TAOK3: variants seen among roughly 807,000 people sequenced by gnomAD.
TAOK3 encodes TAO kinase 3.
In TAOK3, 40 loss-of-function variants were observed where a neutral mutation model predicts 120.4. The ratio of observed to expected loss-of-function variants is 0.33; its 90% CI spans 0.26 to 0.43. TAOK3 has a LOEUF of 0.43. TAOK3 is among the 20% of genes least tolerant of loss of function. The pLI is 1.00. For missense variants in TAOK3, 821 were observed against 1,112.1 expected (o/e 0.74, Z 3.72); for synonymous variants, 355 against 387.5 (o/e 0.92, Z 0.99).
At chr12:118,269,731 T>A (rs1424254062) in intron 1 of TAOK3, among the ~76,000 whole-genome samples, 1 of 152,208 alleles carries the variant, frequency 6.6e-6, no homozygotes, top group Non-Finnish European at 1.5e-5. Flanking sequence ...TGCCAAGCTC[T>A]ATATATGTTC....
At chr12:118,282,045 G>A (rs1326895911) in intron 1 of TAOK3, among the ~76,000 whole-genome samples, 1 of 152,184 alleles carries the variant, frequency 6.6e-6, no homozygotes, top group Admixed American at 6.5e-5. Flanking sequence ...TTAGAGTTTA[G>A]TAAAAACAAA....
chr12:118,286,986 A>G (rs2042289293), intron 1 of TAOK3, among the ~76,000 whole-genome samples: 1 of 152,222 alleles, frequency 6.6e-6, no homozygotes, highest in Non-Finnish European at 1.5e-5. Context: ...CGAATATAGT[A>G]TGTTCTCACT....
intron 3 of TAOK3, chr12:118,247,093 G>C (rs867885932): frequency 1.2e-5 from 6 of 512,852 alleles, no homozygotes; most frequent in African/African-American, 3.9e-5. Context: ...TTTGATGATG[G>C]GACAGTTCTA....
Position 118,189,749 on chromosome 12 carries a change from G to C in TAOK3, c.1329+58C>G, listed in dbSNP as rs538372197. On this transcript the variant is annotated intron_variant, in intron 14 of 20. Coordinates refer to ENST00000392533, the MANE Select transcript of TAOK3 (RefSeq NM_016281.4). The stretch of plus-strand genomic sequence containing the variant: ...GAGACAGGCTCAGGGAGGGCGAGAG[G>C]CTGCCAGATGGGGAGGAGGGGAAGG... 69 of 1,604,956 alleles carry C rather than the reference G, an allele frequency of 4.3e-5. No homozygotes were observed. The African/African-American group carries it at 6.6e-4, about 15-fold the overall frequency.
At chr12:118,235,235 C>T (rs150899673) in intron 8 of TAOK3, among the ~76,000 whole-genome samples, 3 of 152,240 alleles carry the variant, frequency 2.0e-5, no homozygotes, top group East Asian at 1.9e-4. Context: ...CCTGTCCTTA[C>T]CTGGAGGCTT....
intron 1 of TAOK3, among the ~76,000 whole-genome samples, chr12:118,357,394 TC>T (rs1306309444): frequency 6.6e-6 from 1 of 152,230 alleles, no homozygotes; most frequent in African/African-American, 2.4e-5. Flanking sequence ...CCTTCCCCCA[TC>T]TTTTTTCTGC....
At chr12:118,355,974 T>C (rs1250528363) in intron 1 of TAOK3, among the ~76,000 whole-genome samples, 1 of 151,786 alleles carries the variant, frequency 6.6e-6, no homozygotes, top group Non-Finnish European at 1.5e-5. Context: ...TTATTAAACA[T>C]TAAACTATCC....
At chr12:118,236,098 A>AAACAAT (rs2139885773) in intron 7 of TAOK3, 1 of 161,880 alleles carries the variant, frequency 6.2e-6, no homozygotes, top group East Asian at 1.7e-4. Flanking sequence ...ACATTTTTGG[A>AAACAAT]GCCTAAACAA....
rs908629015 is a variant in TAOK3 at position 118,241,294 on chromosome 12, G to A, written c.295-2022C>T. Among the ~76,000 whole-genome samples the A allele has an allele frequency of 6.6e-5, 10 of 151,986 alleles. No individual in the cohort carries two copies. In the South Asian group the frequency reaches 1.9e-3, roughly 28 times the overall value. ...TATTATAAAATGGAAGATTCTACAT[G>A]AGTAAATGTTATAATGAACACTAGC... On this transcript the variant is annotated intron_variant, in intron 5 of 20. Transcript: ENST00000392533.
chr12:118,339,335 A>G (rs2044511133), intron 1 of TAOK3, among the ~76,000 whole-genome samples: 1 of 118,310 alleles, frequency 8.5e-6, no homozygotes, highest in Non-Finnish European at 1.6e-5. Flanking sequence ...CCCAGGCTGG[A>G]GTGCAATGGC....
chr12:118,257,300 T>C (rs1380067720), intron 2 of TAOK3, among the ~76,000 whole-genome samples: 4 of 152,210 alleles, frequency 2.6e-5, no homozygotes, highest in Admixed American at 6.5e-5. Flanking sequence ...TAAATGCCCA[T>C]GTAAAGAGGC....
chr12:118,275,944 T>C (rs1267142998), intron 1 of TAOK3, among the ~76,000 whole-genome samples: 1 of 151,974 alleles, frequency 6.6e-6, no homozygotes, highest in Non-Finnish European at 1.5e-5. Context: ...AGCAAGATTG[T>C]TTTGTGTACT....
chr12:118,166,396 G>C (rs1011176689), intron 17 of TAOK3, among the ~76,000 whole-genome samples: 6 of 152,258 alleles, frequency 3.9e-5, no homozygotes, highest in African/African-American at 1.4e-4. Flanking sequence ...AAATTAGCCA[G>C]GTGTGGTGGC....
At chr12:118,201,045 T>A (rs1256681127) in intron 12 of TAOK3, 6 of 321,530 alleles carry the variant, frequency 1.9e-5, no homozygotes. Flanking sequence ...AAACCTTCAC[T>A]AATCCCACCA....
At chr12:118,278,755 C>A (rs945375134) in intron 1 of TAOK3, among the ~76,000 whole-genome samples, 1 of 152,196 alleles carries the variant, frequency 6.6e-6, no homozygotes, top group African/African-American at 2.4e-5. Flanking sequence ...ACATTCCCAG[C>A]AGCAGTGTAA....
chr12:118,221,301 G>A (rs946638580), intron 9 of TAOK3, among the ~76,000 whole-genome samples: 65 of 152,182 alleles, frequency 4.3e-4, no homozygotes, highest in African/African-American at 1.5e-3. Flanking sequence ...TGGGCTCACT[G>A]TAACCTCCGC....
intron 15 of TAOK3, among the ~76,000 whole-genome samples, chr12:118,181,111 C>T (rs11068863): frequency 6.6e-6 from 1 of 152,194 alleles, no homozygotes; most frequent in Non-Finnish European, 1.5e-5. Flanking sequence ...TCCCAAAGTG[C>T]TGGGATTACA....
At chr12:118,310,346 G>A (rs1005493987) in intron 1 of TAOK3, among the ~76,000 whole-genome samples, 1 of 152,160 alleles carries the variant, frequency 6.6e-6, no homozygotes, top group African/African-American at 2.4e-5. Context: ...TTCTAACAAG[G>A]TGGTTTTGAT....
intron 1 of TAOK3, among the ~76,000 whole-genome samples, chr12:118,310,129 T>C (rs1432138258): frequency 6.6e-6 from 1 of 151,888 alleles, no homozygotes; most frequent in African/African-American, 2.4e-5. Context: ...CAATAAAATA[T>C]AAAAATTAGC....
Sources: allele counts gnomAD v4.1 joint callset (sites outside exome capture counted in the v4.1 genomes callset), GRCh38; gene constraint gnomAD v4.1.1; transcripts MANE v1.5; gene names NCBI Gene and HGNC (gene_info 2026-07-23, HGNC 2026-07-21).